TLN2: variants seen among roughly 807,000 people sequenced by gnomAD.
TLN2 encodes the protein talin 2, also known as talin-2.
Under a neutral mutation model 294.7 loss-of-function variants are expected in TLN2, and 118 were observed. That is an observed-to-expected ratio of 0.40 (90% confidence interval 0.34 to 0.47). The LOEUF (loss-of-function observed/expected upper bound fraction) is 0.47. Among genes scored for constraint, TLN2 ranks in the 20% least tolerant of loss-of-function variants. The pLI is 0.84. For missense variants in TLN2, 3,083 were observed against 3,282.2 expected, an observed-to-expected ratio of 0.94 and a Z score of 1.48; for synonymous variants, 1,431 against 1,304.5, an observed-to-expected ratio of 1.10 and a Z score of -2.09.
intron 32 of TLN2, among the ~76,000 whole-genome samples, chr15:62,747,074 C>CA (rs1228969356): frequency 1.2e-4 from 18 of 151,562 alleles, no homozygotes; most frequent in Admixed American, 2.0e-4. Context: ...CTTACCTATG[C>CA]AAAAAAAATG....
intron 23 of TLN2, among the ~76,000 whole-genome samples, 177 bp from the exon 24 acceptor site, chr15:62,717,399 A>G (rs1018339621): frequency 4.6e-5 from 7 of 152,228 alleles, no homozygotes; most frequent in African/African-American, 1.4e-4. Context: ...GGACGTCAAC[A>G]CAAGGAAGAT....
chr15:62,640,479 GCT>G (rs2140912358), intron 3 of TLN2: 1 of 408,708 alleles, frequency 2.4e-6, no homozygotes, highest in South Asian at 1.8e-5. Flanking sequence ...ACAAACCCCT[GCT>G]TTACACAGGA....
Position 62,842,959 on chromosome 15 carries a change from A to G in TLN2, c.*2349A>G, listed in dbSNP as rs894880184. ...GTGGTGGTTTCTCATTTCATAAGAT[A>G]GTTGAAGGGCCATGCCTTGTCTGGA... On this transcript the variant is annotated 3_prime_UTR_variant, in exon 59 of 59. Transcript: ENST00000636159. 6.6e-5 allele frequency: 10 copies of G among 152,204 alleles called. No homozygotes were observed. The highest frequency in any genetic ancestry group is 2.4e-4 in the African/African-American group (10 of 41,442). The allele number at this position is 152,204 out of a possible 1,614,324, so 9.4% of individuals were successfully genotyped here. A position where few individuals can be genotyped will look rare whatever the true frequency, so the allele number is the denominator to read the frequency against.
At chr15:62,648,456 G>A (rs1200658313) in intron 4 of TLN2, among the ~76,000 whole-genome samples, 7 of 145,774 alleles carry the variant, frequency 4.8e-5, no homozygotes, top group Non-Finnish European at 1.5e-5. Flanking sequence ...AACATCACAA[G>A]GGTAATTATA....
intron 3 of TLN2, among the ~76,000 whole-genome samples, chr15:62,626,464 G>A (rs1222341018): frequency 2.6e-5 from 4 of 152,152 alleles, no homozygotes; most frequent in Non-Finnish European, 5.9e-5. Context: ...ACTTGAATAT[G>A]GAAAATGAAT....
chr15:62,456,421 G>A (rs1157184525), intron 1 of TLN2, among the ~76,000 whole-genome samples: 1 of 152,160 alleles, frequency 6.6e-6, no homozygotes, highest in Non-Finnish European at 1.5e-5. Flanking sequence ...TAAAATGCAG[G>A]GCTGGACCTG....
rs540290604 is a variant in TLN2 at position 62,750,358 on chromosome 15, C to T, written c.4120-44C>T. On this transcript the variant is annotated intron_variant, in intron 33 of 58. Coordinates refer to ENST00000636159, the MANE Select transcript of TLN2 (RefSeq NM_015059.3). Reference sequence around the variant, plus strand: ...CAGTTGATGTTGAATTTCTTTTGCTCTATGACATTTGCTTGCTTTTTATGT... The same window carrying T: ...CAGTTGATGTTGAATTTCTTTTGCTTTATGACATTTGCTTGCTTTTTATGT... 7.3e-5 allele frequency: 112 copies of T among 1,539,588 alleles called. 2 individuals are homozygous for T. In the South Asian group the frequency reaches 1.1e-3, roughly 16 times the overall value.
At chr15:62,673,918 T>A (rs1377100830) in intron 10 of TLN2, 28 bp downstream of exon 10, 1 of 1,574,340 alleles carries the variant, frequency 6.4e-7, no homozygotes, top group East Asian at 2.2e-5. Context: ...AACTTTATTA[T>A]TCTCCTCACT....
intron 2 of TLN2, among the ~76,000 whole-genome samples, chr15:62,600,283 G>C (rs547415505): frequency 6.6e-6 from 1 of 152,262 alleles, no homozygotes; most frequent in South Asian, 2.1e-4. Context: ...ATTTTGGTGC[G>C]GTGCAGTGAA....
chr15:62,664,640 C>T lies in TLN2; in HGVS notation c.788+6742C>T, dbSNP rs900731209. Among the ~76,000 whole-genome samples, 16 of 151,764 alleles carry T rather than the reference C, an allele frequency of 1.1e-4. 1 individual carries two copies. Among genetic ancestry groups the T allele is most frequent in the African/African-American group, 3.4e-4 (14 of 41,176 alleles). ...TTGGGAGGCCGAAGTGGGTGGATCA[C>T]CTGAGGTTGGGAGTTCGAAACCAGC... On this transcript the variant is annotated intron_variant, in intron 9 of 58. Transcript: ENST00000636159.
intron 52 of TLN2, among the ~76,000 whole-genome samples, chr15:62,817,007 A>G (rs2067170001): frequency 6.6e-6 from 1 of 152,198 alleles, no homozygotes; most frequent in East Asian, 1.9e-4. Context: ...GAATTTTATC[A>G]GTAGCTCTTT....
chr15:62,555,276 G>A (rs565967427), intron 1 of TLN2, among the ~76,000 whole-genome samples: 1 of 151,884 alleles, frequency 6.6e-6, no homozygotes, highest in Non-Finnish European at 1.5e-5. Flanking sequence ...TTTTTTTTAC[G>A]TTACTAATTT....
In TLN2 at chr15:62,755,556, G is replaced by T. The variant is rs770349043; in HGVS notation, c.4501G>T (p.Ala1501Ser). ...SQVLSAATIV[A>S]KHTSALCNAC... ...GGTCCTGTCAGCCGCCACAATTGTTGCCAAGCACACGTCAGCCTTGTGCAA... is the reference window on the plus strand; with the variant it reads ...GGTCCTGTCAGCCGCCACAATTGTTTCCAAGCACACGTCAGCCTTGTGCAA... Residue 1501 changes from alanine (A) to serine (S), a missense_variant, in exon 37 of 59, where the codon GCC becomes TCC. By Grantham distance (99) the Ala-to-Ser change is moderately conservative. Transcript: ENST00000636159. 6.2e-7 allele frequency: 1 copy of T among 1,614,192 alleles called. No individual in the cohort carries two copies.
In TLN2 at chr15:62,545,784, C is replaced by T. The variant is rs192458455; in HGVS notation, c.-237-43903C>T. ...TCCTGGCTGAGGTGTAGTGGCAGGG[C>T]CTTATTCTGATTGGGCACTCAATAA... On this transcript the variant is annotated intron_variant, in intron 1 of 58. Transcript: ENST00000636159. 4.1e-3 allele frequency among the ~76,000 whole-genome samples: 626 copies of T among 152,210 alleles called. 7 individuals are homozygous for T. The highest frequency in any genetic ancestry group is 0.015 in the African/African-American group (603 of 41,540).
At chr15:62,748,217 T>G (rs1945013570) in intron 32 of TLN2, 134 bp from the exon 33 acceptor site, 2 of 662,380 alleles carry the variant, frequency 3.0e-6, no homozygotes, top group African/African-American at 3.6e-5. Flanking sequence ...GTGTAGAGCC[T>G]CTGCAGAAGA....
At chr15:62,470,694 C>G (rs2037417997) in intron 1 of TLN2, among the ~76,000 whole-genome samples, 1 of 152,164 alleles carries the variant, frequency 6.6e-6, no homozygotes, top group African/African-American at 2.4e-5. Flanking sequence ...CAGCCCCCAG[C>G]CACTGCCTTT....
intron 11 of TLN2, among the ~76,000 whole-genome samples, chr15:62,683,705 C>G (rs1596697552): frequency 6.6e-6 from 1 of 152,294 alleles, no homozygotes; most frequent in South Asian, 2.1e-4. Context: ...AGCTACAGCT[C>G]TTTGTGTGTG....
chr15:62,619,558 A>T (rs2048598689), intron 3 of TLN2, among the ~76,000 whole-genome samples: 1 of 152,244 alleles, frequency 6.6e-6, no homozygotes, highest in Non-Finnish European at 1.5e-5. Context: ...AAACCTCAGA[A>T]TGTGACCTTA....
intron 1 of TLN2, among the ~76,000 whole-genome samples, chr15:62,500,774 T>G (rs535146474): frequency 1.3e-5 from 2 of 152,346 alleles, no homozygotes; most frequent in South Asian, 4.1e-4. Context: ...GAAAGGAATT[T>G]TTGCCTCAAT....
Sources: gnomAD v4.1 joint callset for allele counts (sites outside exome capture counted in the v4.1 genomes callset) on GRCh38, gnomAD v4.1.1 for gene constraint, MANE v1.5 for transcripts, NCBI Gene and HGNC (gene_info 2026-07-23, HGNC 2026-07-21) for gene names.